The following WFDC8 variants were observed in gnomAD, a reference collection of about 807,000 sequenced individuals.
The protein encoded by WFDC8 is WAP four-disulfide core domain 8.
A neutral mutation model predicts 27.0 loss-of-function variants in WFDC8; 24 were observed. That is an observed-to-expected ratio of 0.89 (90% CI 0.64 to 1.25). WFDC8 has a LOEUF of 1.25. Among genes scored for constraint, WFDC8 ranks in the 50% most tolerant of loss-of-function variants. The pLI, the probability that WFDC8 is intolerant of heterozygous loss-of-function variation, is 0.00. For missense variants in WFDC8, 287 were observed against 295.9 expected (o/e 0.97, Z 0.22); for synonymous variants, 106 against 99.7 (o/e 1.06, Z -0.38).
At chr20:45,556,447 C>T (rs6032311) in intron 3 of WFDC8, among the ~76,000 whole-genome samples, 57,969 of 151,634 alleles carry the variant, frequency 0.38, 11,624 homozygotes, top group Non-Finnish European at 0.43. Context: ...CAACTTGCAA[C>T]ATCAACAACA....
At chr20:45,577,515 C>T (rs1981085245) in intron 1 of WFDC8, among the ~76,000 whole-genome samples, 1 of 149,838 alleles carries the variant, frequency 6.7e-6, no homozygotes. Flanking sequence ...TCTCCTGCCT[C>T]AGACTCCCGA....
rs769807208 is a variant in WFDC8, at chr20:45,558,936, A to G, written c.193T>C (p.Ser65Pro). ...RLTCTTELPDSCNTDFDCKEY... is the reference protein window; with the variant it reads ...RLTCTTELPDPCNTDFDCKEY... The stretch of plus-strand genomic sequence containing the variant: ...TTGCAGTCAAAATCTGTGTTACATG[A>G]GTCCGGAAGTTCAGTGGTACAGGTG... Residue 65 changes from serine to proline, a missense_variant, in exon 3 of 6, where the codon TCA becomes CCA. Ser to Pro is a moderately conservative substitution (Grantham distance 74). Transcript: ENST00000289953. 1.2e-6 allele frequency: 2 copies of G among 1,614,218 alleles called. No individual in the cohort carries two copies. Among genetic ancestry groups the G allele is most frequent in the Admixed American group, 3.3e-5 (2 of 60,026 alleles).
chr20:45,562,012 G>A, intron 2 of WFDC8, 98 bp downstream of exon 2: 1 of 1,106,456 alleles, frequency 9.0e-7, no homozygotes, highest in Non-Finnish European at 1.3e-6. Flanking sequence ...ATCCACAGTA[G>A]AGGGGGCCTC....
intron 1 of WFDC8, chr20:45,568,329 A>G: frequency 4.1e-6 from 1 of 242,942 alleles, no homozygotes; most frequent in Non-Finnish European, 8.5e-6. Flanking sequence ...TGTGCTTCAT[A>G]AGTGTCTCAG....
rs370264187 is a variant in WFDC8 at position 45,569,425 on chromosome 20, CATT to C, written c.27-7209_27-7207del. Among the ~76,000 whole-genome samples, 8 of 152,114 alleles carry C rather than the reference CATT, an allele frequency of 5.3e-5. No individual in the cohort carries two copies. In the South Asian group the frequency reaches 8.3e-4, roughly 16 times the overall value. ...TTTACAATGTGTTTATTTACATGTT[CATT>C]ATTATTATATCATTGAAATAACAAA... is the stretch of plus-strand genomic sequence containing the variant. On this transcript the variant is annotated intron_variant, in intron 1 of 5. Coordinates refer to ENST00000289953, the MANE Select transcript of WFDC8 (RefSeq NM_130896.3).
intron 1 of WFDC8, among the ~76,000 whole-genome samples, chr20:45,576,542 G>A (rs1194177812): frequency 1.3e-5 from 2 of 151,278 alleles, no homozygotes; most frequent in Non-Finnish European, 3.0e-5. Flanking sequence ...TGGGATTATA[G>A]GCATGTGCCA....
intron 1 of WFDC8, among the ~76,000 whole-genome samples, chr20:45,565,696 A>C (rs1047294575): frequency 1.3e-5 from 2 of 152,210 alleles, no homozygotes; most frequent in Non-Finnish European, 2.9e-5. Context: ...GGTTTCATTC[A>C]GGTGGCAAAC....
chr20:45,570,955 T>C (rs985967199), intron 1 of WFDC8, among the ~76,000 whole-genome samples: 7 of 152,230 alleles, frequency 4.6e-5, no homozygotes, highest in Non-Finnish European at 8.8e-5. Context: ...CCACTTCAAA[T>C]GTTGGTGGGA....
intron 2 of WFDC8, among the ~76,000 whole-genome samples, chr20:45,561,291 A>T (rs1980460134): frequency 1.3e-5 from 2 of 152,102 alleles, no homozygotes; most frequent in Non-Finnish European, 1.5e-5. Flanking sequence ...TATGATTCCC[A>T]TCTCTTCCTC....
At chr20:45,562,478 G>A (rs895545740) in intron 1 of WFDC8, among the ~76,000 whole-genome samples, 2 of 152,206 alleles carry the variant, frequency 1.3e-5, no homozygotes, top group African/African-American at 2.4e-5. Context: ...CTTGCCTATT[G>A]TCTTGTTCCT....
intron 1 of WFDC8, among the ~76,000 whole-genome samples, chr20:45,573,692 G>T (rs1980947010): frequency 6.6e-6 from 1 of 152,062 alleles, no homozygotes; most frequent in South Asian, 2.1e-4. Context: ...CCATTGAGTT[G>T]ATTTTTTTGC....
At chr20:45,569,917 A>G (rs948666546) in intron 1 of WFDC8, among the ~76,000 whole-genome samples, 9 of 152,188 alleles carry the variant, frequency 5.9e-5, no homozygotes, top group African/African-American at 2.2e-4. Context: ...CATCATCCTT[A>G]GCAAACTAAT....
At chr20:45,570,227 T>G (rs1401713317) in intron 1 of WFDC8, among the ~76,000 whole-genome samples, 1 of 152,130 alleles carries the variant, frequency 6.6e-6, no homozygotes, top group East Asian at 1.9e-4. Flanking sequence ...AAAAGACTTC[T>G]GAGCATAAGA....
At chr20:45,563,667 C>T (rs1448500345) in intron 1 of WFDC8, among the ~76,000 whole-genome samples, 1 of 152,196 alleles carries the variant, frequency 6.6e-6, no homozygotes, top group African/African-American at 2.4e-5. Flanking sequence ...ACCATTTTAG[C>T]TTTTGAGTTC....
intron 1 of WFDC8, among the ~76,000 whole-genome samples, chr20:45,575,858 C>T (rs1478400351): frequency 6.6e-6 from 1 of 151,252 alleles, no homozygotes; most frequent in African/African-American, 2.4e-5. Flanking sequence ...TAGCTCACAC[C>T]CCTCCTCATC....
At chr20:45,567,671 C>T (rs6032331) in intron 1 of WFDC8, among the ~76,000 whole-genome samples, 80,343 of 151,968 alleles carry the variant, frequency 0.53, 21,524 homozygotes, top group African/African-American at 0.58. Flanking sequence ...CACTCTCCAC[C>T]GCCACTGAAT....
At chr20:45,565,257 C>T (rs759769301) in intron 1 of WFDC8, among the ~76,000 whole-genome samples, 1 of 152,070 alleles carries the variant, frequency 6.6e-6, no homozygotes, top group Non-Finnish European at 1.5e-5. Flanking sequence ...CTCCGTCTAC[C>T]CATTTGAAAT....
rs774383894 is a variant in WFDC8 at position 45,552,079 on chromosome 20, C to T, written c.673G>A (p.Val225Met). ...CCACAATGTGAGCAGCACTTTTCCA[C>T]CAATGGGCACTCCTCATCCTGCAGG... is the stretch of plus-strand genomic sequence containing the variant. Reference protein sequence around the residue: ...KCLQDEECPLVEKCCSHCGLK... With the variant: ...KCLQDEECPLMEKCCSHCGLK... The change falls in exon 6 of 6, where the codon GTG becomes ATG. Residue 225 changes from valine to methionine, a missense_variant. By Grantham distance (21) the Val-to-Met change is conservative. Coordinates refer to ENST00000289953, the MANE Select transcript of WFDC8 (RefSeq NM_130896.3). 23 of 1,614,164 alleles carry T rather than the reference C, an allele frequency of 1.4e-5. No individual in the cohort carries two copies. The South Asian group carries it at 1.4e-4, about 10-fold the overall frequency.
At chr20:45,565,424 T>C (rs1248188546) in intron 1 of WFDC8, among the ~76,000 whole-genome samples, 2 of 152,192 alleles carry the variant, frequency 1.3e-5, no homozygotes, top group African/African-American at 4.8e-5. Context: ...AAACTACATA[T>C]TTACTTTTTC....
Sources: allele counts gnomAD v4.1 joint callset (sites outside exome capture counted in the v4.1 genomes callset), GRCh38; gene constraint gnomAD v4.1.1; transcripts MANE v1.5; gene names NCBI Gene and HGNC (gene_info 2026-07-23, HGNC 2026-07-21).